The following ARHGEF10L variants were observed in gnomAD, a reference collection of about 807,000 sequenced individuals.
ARHGEF10L encodes the protein Rho guanine nucleotide exchange factor 10 like, also known as rho guanine nucleotide exchange factor 10-like protein.
A neutral mutation model predicts 141.2 loss-of-function variants in ARHGEF10L; 69 were observed. The ratio of observed to expected loss-of-function variants is 0.49; its 90% CI spans 0.40 to 0.60. The LOEUF is 0.60. Among genes scored for constraint, ARHGEF10L ranks in the 20% least tolerant of loss-of-function variants. The pLI, the probability that ARHGEF10L is intolerant of heterozygous loss-of-function variation, is 0.00. For synonymous variants in ARHGEF10L, 711 were observed against 718.5 expected (o/e 0.99, Z 0.17); for missense variants, 1,482 against 1,734.3 (o/e 0.85, Z 2.58).
chr1:17,525,810 C>G, the ARHGEF10L span, among the ~76,000 whole-genome samples: 2 of 151,858 alleles, frequency 1.3e-5, no homozygotes, highest in South Asian at 4.2e-4. Flanking sequence ...TGAAACCAGC[C>G]TGGCCAACAT....
chr1:17,650,651 T>G (rs1364495685), intron 22 of ARHGEF10L, among the ~76,000 whole-genome samples: 1 of 150,208 alleles, frequency 6.7e-6, no homozygotes, highest in Non-Finnish European at 1.5e-5. Context: ...AAAAAACACT[T>G]GAACCCGGGA....
chr1:17,696,390 T>TG (rs1481175101), intron 28 of ARHGEF10L, among the ~76,000 whole-genome samples: 1 of 152,044 alleles, frequency 6.6e-6, no homozygotes, highest in African/African-American at 2.4e-5. Flanking sequence ...GATGGTCTCC[T>TG]GGGGGTCATC....
In ARHGEF10L at chr1:17,621,757, G is replaced by A. The variant is rs2060120403; in HGVS notation, c.943-107G>A. On this transcript the variant is annotated intron_variant, in intron 10 of 28. Coordinates refer to ENST00000361221, the MANE Select transcript of ARHGEF10L (RefSeq NM_018125.4). The surrounding 1 kb of genome is among the most constrained non-coding windows in gnomAD (Gnocchi z 4.1). ...GGCCCAGTGGTCCCAGGTGGGACCT[G>A]GGAGGGATGGGTTTCTCTGTCCTAT... 2.9e-6 allele frequency: 3 copies of A among 1,018,820 alleles called. No individual in the cohort carries two copies. The highest frequency in any genetic ancestry group is 1.7e-5 in the Admixed American group (1 of 57,608). The allele number at this position is 1,018,820 out of a possible 1,614,324, so 63.1% of individuals were successfully genotyped here. A position where few individuals can be genotyped will look rare whatever the true frequency, so the allele number is the denominator to read the frequency against.
chr1:17,548,604 C>T (rs559684407), intron 1 of ARHGEF10L, among the ~76,000 whole-genome samples: 1 of 150,114 alleles, frequency 6.7e-6, no homozygotes, highest in South Asian at 2.1e-4. Context: ...AGAGCTCTTC[C>T]TGTATTGGCT....
rs957399765 is a variant in ARHGEF10L, at chr1:17,621,113, G to C, written c.943-751G>C. Among the ~76,000 whole-genome samples, 2 of 152,212 alleles carry C rather than the reference G, an allele frequency of 1.3e-5. No individual in the cohort carries two copies. The highest frequency in any genetic ancestry group is 1.3e-4 in the Admixed American group (2 of 15,286). On this transcript the variant is annotated intron_variant, in intron 10 of 28. Coordinates refer to ENST00000361221, the MANE Select transcript of ARHGEF10L (RefSeq NM_018125.4). The surrounding 1 kb of genome is among the most constrained non-coding windows in gnomAD (Gnocchi z 4.1). ...CTGGGGATGTTTAGCCAGAAGCAGA[G>C]ACCACTCGTGTGGGGGGACGGTACC...
chr1:17,622,772 C>G (rs540469783), intron 11 of ARHGEF10L, among the ~76,000 whole-genome samples: 1 of 152,298 alleles, frequency 6.6e-6, no homozygotes, highest in East Asian at 1.9e-4. Context: ...CTCTTCCTCC[C>G]GACCAATTAA....
chr1:17,567,797 T>C (rs955062355), intron 1 of ARHGEF10L, among the ~76,000 whole-genome samples: 1 of 152,180 alleles, frequency 6.6e-6, no homozygotes, highest in Non-Finnish European at 1.5e-5. Flanking sequence ...GTGCTGACTA[T>C]GCGGATGCAG....
rs1266650150 is a variant in ARHGEF10L at position 17,644,802 on chromosome 1, C to T, written c.2273-3752C>T. On this transcript the variant is annotated intron_variant, in intron 21 of 28. Transcript: ENST00000361221. The surrounding 1 kb of genome is among the most constrained non-coding windows in gnomAD (Gnocchi z 4.5). Reference sequence around the variant, plus strand: ...GTAATAGCGACAGTCAGACCATGAGCAGCGAGGACAGTGACCACCATGGCT... The same window carrying T: ...GTAATAGCGACAGTCAGACCATGAGTAGCGAGGACAGTGACCACCATGGCT... Among the ~76,000 whole-genome samples, 1 of 152,168 alleles carries T rather than the reference C, an allele frequency of 6.6e-6. No homozygotes were observed. Among genetic ancestry groups the T allele is most frequent in the African/African-American group, 2.4e-5 (1 of 41,416 alleles).
chr1:17,670,952 C>A (rs929974893), intron 26 of ARHGEF10L, among the ~76,000 whole-genome samples: 1 of 152,266 alleles, frequency 6.6e-6, no homozygotes, highest in African/African-American at 2.4e-5. Context: ...TGAAGCCACC[C>A]TGACTGCTCC....
intron 21 of ARHGEF10L, among the ~76,000 whole-genome samples, chr1:17,643,807 G>A (rs112112704): frequency 6.0e-4 from 91 of 152,340 alleles, no homozygotes; most frequent in African/African-American, 2.1e-3. Flanking sequence ...AGGTCAAGGA[G>A]TGTCTGCATT....
chr1:17,527,788 C>T, the ARHGEF10L span, among the ~76,000 whole-genome samples: 1 of 151,860 alleles, frequency 6.6e-6, no homozygotes, highest in Non-Finnish European at 1.5e-5. Context: ...CCGACCTATT[C>T]ACTGAGGGGG....
chr1:17,656,019 G>A lies in ARHGEF10L; in HGVS notation c.2622G>A (p.Ala874=), dbSNP rs762957667. The A allele has an allele frequency of 4.3e-5, 68 of 1,572,538 alleles. No individual in the cohort carries two copies. Among genetic ancestry groups the A allele is most frequent in the Non-Finnish European group, 5.4e-5 (63 of 1,158,228 alleles). The part of the protein sequence containing the change: ...MEYIPELEEE[A]ESRDESPTVA... ...ATATCCCGGAGCTGGAGGAGGAGGC[G>A]GAGAGCAGAGACGAGAGCCCGACAG... The change falls in exon 24 of 29, where the codon GCG becomes GCA. Residue 874 remains alanine, a synonymous_variant. Coordinates refer to ENST00000361221, the MANE Select transcript of ARHGEF10L (RefSeq NM_018125.4). This position sits in a 1 kb window ranked among gnomAD's most constrained non-coding sequence, Gnocchi z 4.9.
At chr1:17,595,220 C>CTTTTT (rs58475060) in intron 4 of ARHGEF10L, among the ~76,000 whole-genome samples, 3 of 106,104 alleles carry the variant, frequency 2.8e-5, no homozygotes, top group African/African-American at 7.3e-5. Flanking sequence ...CGTGGCTCAC[C>CTTTTT]TTTTTTTTTT....
At chr1:17,657,397 G>A (rs1009110804) in intron 25 of ARHGEF10L, among the ~76,000 whole-genome samples, 18 of 152,312 alleles carry the variant, frequency 1.2e-4, no homozygotes, top group Admixed American at 5.9e-4. Context: ...GCCATGTGGA[G>A]TGCTGTGGTC....
intron 22 of ARHGEF10L, 67 bp downstream of exon 22, chr1:17,648,742 C>T: frequency 6.4e-7 from 1 of 1,574,532 alleles, no homozygotes; most frequent in Non-Finnish European, 8.7e-7. Flanking sequence ...CCTGGGAGAA[C>T]CAGAGTTTCC....
At chr1:17,682,851 G>A (rs911584793) in intron 26 of ARHGEF10L, among the ~76,000 whole-genome samples, 10 of 152,150 alleles carry the variant, frequency 6.6e-5, no homozygotes, top group African/African-American at 2.4e-4. Flanking sequence ...ACCAGCCAAG[G>A]ATGAGGGCAC....
intron 26 of ARHGEF10L, among the ~76,000 whole-genome samples, chr1:17,666,971 C>T (rs1458337788): frequency 1.3e-5 from 2 of 149,840 alleles, no homozygotes; most frequent in African/African-American, 2.5e-5. Flanking sequence ...GTCCTCTGAC[C>T]CATCTGGGTC....
Position 17,634,578 on chromosome 1 carries a change from G to C in ARHGEF10L, c.1745+16G>C, listed in dbSNP as rs754694555. 3 of 1,613,562 alleles carry C rather than the reference G, an allele frequency of 1.9e-6. No homozygotes were observed. Among genetic ancestry groups the C allele is most frequent in the Admixed American group, 1.7e-5 (1 of 59,930 alleles). ...CCAACCACAGGTACGTGGTTCAGGGGGCTCCGGGGCTCTGGGGCTCTGGGG... is the reference window on the plus strand; with the variant it reads ...CCAACCACAGGTACGTGGTTCAGGGCGCTCCGGGGCTCTGGGGCTCTGGGG... On this transcript the variant is annotated intron_variant, in intron 17 of 28. Transcript: ENST00000361221.
At chr1:17,581,309 CAAAAAAAAAA>C (rs71014975) in intron 2 of ARHGEF10L, among the ~76,000 whole-genome samples, 2 of 69,292 alleles carry the variant, frequency 2.9e-5, no homozygotes, top group African/African-American at 6.1e-5. Context: ...AAGACTGTCT[CAAAAAAAAAA>C]AAAAAAAAAA....
Sources: allele counts gnomAD v4.1 joint callset (sites outside exome capture counted in the v4.1 genomes callset), GRCh38; gene constraint gnomAD v4.1.1; non-coding constraint Gnocchi (gnomAD v3.1); transcripts MANE v1.5; gene names NCBI Gene and HGNC (gene_info 2026-07-23, HGNC 2026-07-21).